Variants in TRIT1 observed in about 807,000 individuals in gnomAD.
TRIT1 encodes the protein tRNA dimethylallyltransferase.
A neutral mutation model predicts 51.2 loss-of-function variants in TRIT1; 43 were observed. That is an observed-to-expected ratio of 0.84 (90% CI 0.66 to 1.08). TRIT1 has a LOEUF of 1.08. TRIT1 is among the 50% of genes least tolerant of loss of function. The probability of loss-of-function intolerance (pLI) is 0.00; values close to 1 mark genes in which losing one functional copy is unlikely to be tolerated. For missense variants in TRIT1, 528 were observed against 578.4 expected (o/e 0.91, Z 0.89); for synonymous variants, 184 against 203.9 (o/e 0.90, Z 0.83).
rs115648180 is a variant in TRIT1 at position 39,878,215 on chromosome 1, G to A, written c.174+5103C>T. ...AAGAACACTGGGAAGAAAGAGGACA[G>A]GCAGTACCTTCAGATGCTAGATGGC... On this transcript the variant is annotated intron_variant, in intron 1 of 10. Coordinates refer to ENST00000316891, the MANE Select transcript of TRIT1 (RefSeq NM_017646.6). Among the ~76,000 whole-genome samples, 432 of 152,306 alleles carry A rather than the reference G, an allele frequency of 2.8e-3. 1 individual carries two copies. The highest frequency in any genetic ancestry group is 0.01 in the African/African-American group (420 of 41,566).
intron 1 of TRIT1, among the ~76,000 whole-genome samples, chr1:39,870,262 G>C (rs1230345416): frequency 6.6e-6 from 1 of 152,154 alleles, no homozygotes; most frequent in Non-Finnish European, 1.5e-5. Context: ...GGGTTAAATG[G>C]ATTAAGGGCG....
chr1:39,853,907 G>A, intron 3 of TRIT1, 63 bp downstream of exon 3: 1 of 1,173,328 alleles, frequency 8.5e-7, no homozygotes, highest in Non-Finnish European at 1.2e-6. Context: ...TTCTCCCACT[G>A]AAATTAGACA....
At chr1:39,880,907 C>T (rs1293134464) in intron 1 of TRIT1, among the ~76,000 whole-genome samples, 1 of 151,966 alleles carries the variant, frequency 6.6e-6, no homozygotes, top group African/African-American at 2.4e-5. Flanking sequence ...ACTGCCAGAA[C>T]CCAGTAACCT....
intron 2 of TRIT1, among the ~76,000 whole-genome samples, chr1:39,854,344 A>G (rs1485614489): frequency 6.6e-6 from 1 of 152,196 alleles, no homozygotes; most frequent in Non-Finnish European, 1.5e-5. Context: ...TCAAAGTTTT[A>G]TTAGTATTCC....
intron 1 of TRIT1, among the ~76,000 whole-genome samples, chr1:39,862,051 G>A (rs1490205727): frequency 2.6e-5 from 4 of 151,978 alleles, no homozygotes; most frequent in Non-Finnish European, 5.9e-5. Context: ...AACACTGTAC[G>A]ATCTCATGTA....
chr1:39,868,866 C>T (rs558456978), intron 1 of TRIT1, among the ~76,000 whole-genome samples: 1 of 151,976 alleles, frequency 6.6e-6, no homozygotes, highest in East Asian at 1.9e-4. Flanking sequence ...TCTAGACCAT[C>T]CTGGCCAACG....
At chr1:39,871,283 CATGGAAGAATTTTA>C in intron 1 of TRIT1, among the ~76,000 whole-genome samples, 1 of 152,260 alleles carries the variant, frequency 6.6e-6, no homozygotes, top group East Asian at 1.9e-4. Flanking sequence ...CATGCAACAA[CATGGAAGAATTTTA>C]AACGTATTTT....
chr1:39,851,213 G>A (rs1236169970), intron 4 of TRIT1, among the ~76,000 whole-genome samples: 1 of 151,918 alleles, frequency 6.6e-6, no homozygotes, highest in Non-Finnish European at 1.5e-5. Context: ...TTAAAATACA[G>A]CCTCAAGCCA....
intron 3 of TRIT1, 71 bp from the exon 4 acceptor site, chr1:39,852,947 GCTAA>G (rs1431580869): frequency 9.9e-6 from 15 of 1,519,770 alleles, no homozygotes; most frequent in African/African-American, 6.9e-5. Flanking sequence ...CAGGCACTTT[GCTAA>G]CTGTCAGGAA....
chr1:39,865,671 C>CAAAAAAAAAAAAAAAA (rs142393332), intron 1 of TRIT1, among the ~76,000 whole-genome samples: 2 of 68,326 alleles, frequency 2.9e-5, no homozygotes, highest in African/African-American at 9.9e-5. Context: ...TCTGTCTCTA[C>CAAAAAAAAAAAAAAAA]AAAAAAAAAA....
intron 1 of TRIT1, among the ~76,000 whole-genome samples, chr1:39,880,361 T>C (rs1028113556): frequency 6.6e-6 from 1 of 151,970 alleles, no homozygotes. Flanking sequence ...ATTATTGCTT[T>C]GCCTGTGGAG....
rs140358980 is a variant in TRIT1, at chr1:39,865,371, T to G, written c.175-7954A>C. 3.6e-3 allele frequency among the ~76,000 whole-genome samples: 544 copies of G among 152,344 alleles called. 4 individuals are homozygous for G. Among genetic ancestry groups the G allele is most frequent in the African/African-American group, 0.012 (517 of 41,580 alleles). On this transcript the variant is annotated intron_variant, in intron 1 of 10. Coordinates refer to ENST00000316891, the MANE Select transcript of TRIT1 (RefSeq NM_017646.6). Reference sequence around the variant, plus strand: ...GGCATCCATCTGCCTTTTTGTATTATGAACTTTCTCTGGGTGACACCCATG... The same window carrying G: ...GGCATCCATCTGCCTTTTTGTATTAGGAACTTTCTCTGGGTGACACCCATG...
At position 39,854,102 on chromosome 1, in the gene TRIT1, G is replaced by T; in HGVS notation, c.316-34C>A. ...TAAGAAAGATATCACGATATCAAGA[G>T]AATCCTGACTCACTTTGGAAGGACA... On this transcript the variant is annotated intron_variant, in intron 2 of 10. Transcript: ENST00000316891. The T allele has an allele frequency of 4.1e-6, 6 of 1,453,858 alleles. 1 individual carries two copies. Among genetic ancestry groups the T allele is most frequent in the Non-Finnish European group, 5.7e-6 (6 of 1,048,334 alleles). 90.1% of individuals were successfully genotyped at this position (1,453,858 alleles called of 1,614,324 possible).
At chr1:39,875,638 A>T (rs898549231) in intron 1 of TRIT1, among the ~76,000 whole-genome samples, 9 of 152,178 alleles carry the variant, frequency 5.9e-5, no homozygotes, top group African/African-American at 1.9e-4. Flanking sequence ...TATGCCAGAT[A>T]GTTGCTGGTC....
rs183999648 is a variant in TRIT1 at position 39,875,669 on chromosome 1, G to C, written c.174+7649C>G. On this transcript the variant is annotated intron_variant, in intron 1 of 10. Transcript: ENST00000316891. ...TGGTCATTCCTTGAAAACATACCAT[G>C]CATTTTCTTAACTTTGCCCATACTG... Among the ~76,000 whole-genome samples, 435 of 152,098 alleles carry C rather than the reference G, an allele frequency of 2.9e-3. 1 individual carries two copies. Among genetic ancestry groups the C allele is most frequent in the African/African-American group, 0.01 (423 of 41,488 alleles).
intron 4 of TRIT1, among the ~76,000 whole-genome samples, chr1:39,850,694 C>T (rs1031174126): frequency 5.9e-5 from 9 of 152,058 alleles, no homozygotes; most frequent in African/African-American, 2.2e-4. Flanking sequence ...TCAGAAACAA[C>T]AGGTTTCTTC....
chr1:39,843,677 C>T (rs185822661), intron 10 of TRIT1, among the ~76,000 whole-genome samples: 13 of 152,304 alleles, frequency 8.5e-5, no homozygotes, highest in Non-Finnish European at 1.3e-4. Flanking sequence ...AGTAACTCTA[C>T]TTCCTGCCCC....
chr1:39,853,621 A>G (rs1275151352), intron 3 of TRIT1, among the ~76,000 whole-genome samples: 2 of 152,280 alleles, frequency 1.3e-5, no homozygotes, highest in Non-Finnish European at 2.9e-5. Context: ...CATGTTGGCC[A>G]GGCTGGTCTC....
intron 4 of TRIT1, among the ~76,000 whole-genome samples, chr1:39,851,388 G>C (rs1372896218): frequency 6.6e-6 from 1 of 152,010 alleles, no homozygotes; most frequent in African/African-American, 2.4e-5. Context: ...TAAAAGGAGA[G>C]AATAAACACC....
Sources: allele counts gnomAD v4.1 joint callset (sites outside exome capture counted in the v4.1 genomes callset), GRCh38; gene constraint gnomAD v4.1.1; transcripts MANE v1.5; gene names NCBI Gene and HGNC (gene_info 2026-07-23, HGNC 2026-07-21).